The following OR1B1 variants were observed in gnomAD, a reference collection of about 807,000 sequenced individuals.
The protein encoded by OR1B1 is olfactory receptor family 1 subfamily B member 1.
For missense variants in OR1B1, 414 were observed against 402.1 expected, an observed-to-expected ratio of 1.03 and a Z score of -0.25; for synonymous variants, 168 against 156.2, an observed-to-expected ratio of 1.08 and a Z score of -0.57.
chr9:122,628,599 A>T (rs199569247), exon 1 of OR1B1: 9 of 1,611,342 alleles, frequency 5.6e-6, no homozygotes, highest in Non-Finnish European at 7.6e-6. Flanking sequence ...ACCTTCACCC[A>T]TTCAAGCAGC....
chr9:122,635,748 G>T, the OR1B1 span, among the ~76,000 whole-genome samples: 4 of 152,158 alleles, frequency 2.6e-5, no homozygotes, highest in African/African-American at 9.7e-5. Context: ...TGAAGGAAAT[G>T]AATCCTCAGA....
chr9:122,629,074 G>A, exon 1 of OR1B1: 1 of 1,613,944 alleles, frequency 6.2e-7, no homozygotes, highest in African/African-American at 1.3e-5. Flanking sequence ...TGTGCAGTAT[G>A]GACACCACCC....
At chr9:122,642,745 C>A in the OR1B1 span, among the ~76,000 whole-genome samples, 10 of 152,292 alleles carry the variant, frequency 6.6e-5, no homozygotes, top group Non-Finnish European at 1.5e-4. Flanking sequence ...ATCACTTTAT[C>A]TTCTTCCTAT....
chr9:122,631,326 G>A (rs191486118), upstream of OR1B1, among the ~76,000 whole-genome samples: 411 of 151,870 alleles, frequency 2.7e-3, 3 homozygotes, highest in African/African-American at 9.4e-3. Flanking sequence ...ACAGGCGCCC[G>A]CCACCATGCC....
the OR1B1 span, among the ~76,000 whole-genome samples, chr9:122,643,962 C>T: frequency 6.6e-6 from 1 of 152,248 alleles, no homozygotes; most frequent in Admixed American, 6.5e-5. Flanking sequence ...CAGCAATACC[C>T]AGGGAGGACA....
chr9:122,628,480 A>T (rs1020782877), downstream of OR1B1: 1 of 747,074 alleles, frequency 1.3e-6, no homozygotes, highest in African/African-American at 1.8e-5. Flanking sequence ...TCCTTAAGTT[A>T]TCTAGGCCCT....
At chr9:122,628,740 A>G in exon 1 of OR1B1, 2 of 1,614,142 alleles carry the variant, frequency 1.2e-6, no homozygotes, top group Non-Finnish European at 8.5e-7. Flanking sequence ...GGAGGCTGGA[A>G]GTAGACACAA....
chr9:122,647,268 A>C, the OR1B1 span, among the ~76,000 whole-genome samples: 2 of 152,186 alleles, frequency 1.3e-5, no homozygotes, highest in Non-Finnish European at 2.9e-5. Context: ...ATGGAATAAA[A>C]CTAGAAATCA....
At chr9:122,628,759 G>C in exon 1 of OR1B1, 1 of 1,614,128 alleles carries the variant, frequency 6.2e-7, no homozygotes, top group Non-Finnish European at 8.5e-7. Flanking sequence ...AAATGATGGT[G>C]CCGTAGAGGA....
chr9:122,650,275 G>T, the OR1B1 span, among the ~76,000 whole-genome samples: 1 of 151,998 alleles, frequency 6.6e-6, no homozygotes, highest in Non-Finnish European at 1.5e-5. Flanking sequence ...AGGAGGGCTC[G>T]CATTAGGAGA....
At chr9:122,639,962 C>T in the OR1B1 span, among the ~76,000 whole-genome samples, 1 of 151,976 alleles carries the variant, frequency 6.6e-6, no homozygotes, top group Admixed American at 6.6e-5. Context: ...ACGAAGCACT[C>T]CACATGCATG....
At chr9:122,640,638 C>T in the OR1B1 span, among the ~76,000 whole-genome samples, 4 of 152,162 alleles carry the variant, frequency 2.6e-5, no homozygotes, top group African/African-American at 9.7e-5. Flanking sequence ...TTGCCAAAGA[C>T]TGTTTTCTCA....
chr9:122,649,770 G>T, the OR1B1 span, among the ~76,000 whole-genome samples: 1 of 152,222 alleles, frequency 6.6e-6, no homozygotes, highest in East Asian at 1.9e-4. Flanking sequence ...AGAGGATGTG[G>T]AGAAACAGGA....
chr9:122,630,966 A>G (rs753749127), upstream of OR1B1, among the ~76,000 whole-genome samples: 7 of 152,232 alleles, frequency 4.6e-5, no homozygotes, highest in South Asian at 2.1e-4. Context: ...TCGGCCTCCC[A>G]AAGTGCTGGG....
At chr9:122,640,676 G>C in the OR1B1 span, among the ~76,000 whole-genome samples, 1 of 152,154 alleles carries the variant, frequency 6.6e-6, no homozygotes, top group Non-Finnish European at 1.5e-5. Context: ...TTTAAACAGT[G>C]CTTGGCAACT....
chr9:122,638,863 A>G, the OR1B1 span, among the ~76,000 whole-genome samples: 3 of 152,178 alleles, frequency 2.0e-5, no homozygotes, highest in African/African-American at 4.8e-5. Context: ...AAGTTTACAC[A>G]GAGCTCCGGA....
At chr9:122,656,121 A>G in the OR1B1 span, among the ~76,000 whole-genome samples, 2 of 152,228 alleles carry the variant, frequency 1.3e-5, no homozygotes, top group African/African-American at 2.4e-5. Context: ...CTCTGTGTTC[A>G]ATAGGTTGTA....
chr9:122,641,845 A>G, the OR1B1 span, among the ~76,000 whole-genome samples: 1 of 152,210 alleles, frequency 6.6e-6, no homozygotes, highest in Non-Finnish European at 1.5e-5. Flanking sequence ...ATCATGTTGT[A>G]TATTATAAAT....
At chr9:122,632,572 C>A (rs1410016419), upstream of OR1B1, among the ~76,000 whole-genome samples, 2 of 152,080 alleles carry the variant, frequency 1.3e-5, no homozygotes, top group Non-Finnish European at 2.9e-5. Context: ...CCTCACCCCC[C>A]TTCCACCGCT....
Sources: allele counts gnomAD v4.1 joint callset (sites outside exome capture counted in the v4.1 genomes callset), GRCh38; gene constraint gnomAD v4.1.1; transcripts MANE v1.5; gene names NCBI Gene and HGNC (gene_info 2026-07-23, HGNC 2026-07-21).